Variants in MAP3K3 observed in about 807,000 individuals in gnomAD.
MAP3K3 encodes the protein mitogen-activated protein kinase kinase kinase 3, also known as MAP/ERK kinase kinase 3.
In MAP3K3, 12 loss-of-function variants were observed where a neutral mutation model predicts 80.9. That is an observed-to-expected ratio of 0.15 (90% CI 0.10 to 0.24). The LOEUF is 0.24. Ranked by LOEUF, MAP3K3 falls within the 10% of genes least tolerant of loss-of-function variation. MAP3K3 has a pLI of 1.00. For synonymous variants in MAP3K3, 272 were observed against 307.1 expected (o/e 0.89, Z 1.19); for missense variants, 596 against 834.7 (o/e 0.71, Z 3.52).
At chr17:63,639,994 C>A (rs1390087719) in intron 2 of MAP3K3, among the ~76,000 whole-genome samples, 1 of 152,038 alleles carries the variant, frequency 6.6e-6, no homozygotes, top group Non-Finnish European at 1.5e-5. Flanking sequence ...GAGTCTTATA[C>A]CGGAGGTCTT....
At chr17:63,625,305 AC>A (rs573154038) in intron 1 of MAP3K3, among the ~76,000 whole-genome samples, 4 of 151,972 alleles carry the variant, frequency 2.6e-5, no homozygotes, top group African/African-American at 9.7e-5. Context: ...TTGCTTTGAT[AC>A]TATGTGGCTA....
At chr17:63,653,110 T>G (rs1483159763) in intron 4 of MAP3K3, among the ~76,000 whole-genome samples, 1 of 152,210 alleles carries the variant, frequency 6.6e-6, no homozygotes, top group African/African-American at 2.4e-5. Flanking sequence ...TGATTGGAGC[T>G]TATTTGTTTC....
At chr17:63,655,772 C>T (rs1169907863) in intron 4 of MAP3K3, among the ~76,000 whole-genome samples, 1 of 152,172 alleles carries the variant, frequency 6.6e-6, no homozygotes, top group East Asian at 1.9e-4. Flanking sequence ...AGGTGTGAGC[C>T]ACTATCCCCA....
chr17:63,662,050 C>T (rs2034902936), intron 5 of MAP3K3, among the ~76,000 whole-genome samples: 1 of 151,800 alleles, frequency 6.6e-6, no homozygotes, highest in African/African-American at 2.4e-5. Flanking sequence ...TTGCAGTGAG[C>T]CAGGATTGCG....
intron 6 of MAP3K3, among the ~76,000 whole-genome samples, chr17:63,667,836 A>G (rs375435691): frequency 2.0e-5 from 3 of 152,140 alleles, no homozygotes; most frequent in African/African-American, 7.2e-5. Context: ...CCACAGATGC[A>G]GAACCTGGAG....
At chr17:63,623,132 G>GC (rs979749630) in intron 1 of MAP3K3, among the ~76,000 whole-genome samples, 1 of 152,126 alleles carries the variant, frequency 6.6e-6, no homozygotes, top group African/African-American at 2.4e-5. Context: ...TGGGGCCCGG[G>GC]CTGGAGGCTG....
rs1433961479 is a variant in MAP3K3 at position 63,695,463 on chromosome 17, A to C, written c.*1686A>C. Reference sequence around the variant, plus strand: ...GTTGGGCCTGGACCCTCCTGTGTCCATCCCTGTTCCCCCAGGGGCTCTATC... The same window carrying C: ...GTTGGGCCTGGACCCTCCTGTGTCCCTCCCTGTTCCCCCAGGGGCTCTATC... On this transcript the variant is annotated 3_prime_UTR_variant, in exon 16 of 16. Transcript: ENST00000361733. The surrounding 1 kb of genome is among the most constrained non-coding windows in gnomAD (Gnocchi z 4.1). The C allele has an allele frequency of 1.3e-5, 2 of 152,650 alleles. No individual in the cohort carries two copies. The highest frequency in any genetic ancestry group is 2.9e-5 in the Non-Finnish European group (2 of 68,064). The allele number at this position is 152,650 out of a possible 1,614,324, so 9.5% of individuals were successfully genotyped here. A position where few individuals can be genotyped will look rare whatever the true frequency, so the allele number is the denominator to read the frequency against.
chr17:63,669,489 G>A (rs1411404825), intron 6 of MAP3K3, among the ~76,000 whole-genome samples: 1 of 146,844 alleles, frequency 6.8e-6, no homozygotes, highest in Non-Finnish European at 1.5e-5. Context: ...TTTTTTTCTC[G>A]AGACAGAGTC....
chr17:63,691,188 C>G lies in MAP3K3; in HGVS notation c.1299C>G (p.Asp433Glu), dbSNP rs1390067438. The G allele has an allele frequency of 6.2e-7, 1 of 1,614,182 alleles. No individual in the cohort carries two copies. Among genetic ancestry groups the G allele is most frequent in the Admixed American group, 1.7e-5 (1 of 60,030 alleles). The change falls in exon 13 of 16, where the codon GAC becomes GAG. Residue 433 changes from aspartate to glutamate, a missense_variant. Asp to Glu is a conservative substitution (Grantham distance 45). This residue lies in a region of MAP3K3 where 364 missense variants were observed against 588.9 expected (regional missense o/e 0.62). Coordinates refer to ENST00000361733, the MANE Select transcript of MAP3K3 (RefSeq NM_002401.5). This position sits in a 1 kb window ranked among gnomAD's most constrained non-coding sequence, Gnocchi z 4.8. ...RIVQYYGCLR[D>E]RAEKTLTIFM... ...TGCAGTACTATGGCTGTCTGCGGGA[C>G]CGCGCTGAGAAGACCCTGACCATCT...
intron 2 of MAP3K3, chr17:63,636,607 A>G (rs1047518648): frequency 5.3e-5 from 10 of 187,872 alleles, no homozygotes; most frequent in African/African-American, 2.4e-4. Context: ...GTGGCTGAAC[A>G]TGCTGGAGAA....
intron 2 of MAP3K3, among the ~76,000 whole-genome samples, chr17:63,639,621 T>C (rs1000850213): frequency 3.3e-5 from 5 of 152,222 alleles, no homozygotes; most frequent in African/African-American, 9.6e-5. Flanking sequence ...ATCCTCACTC[T>C]GATTCTGTAC....
intron 5 of MAP3K3, among the ~76,000 whole-genome samples, chr17:63,662,970 C>T (rs1043632335): frequency 2.0e-5 from 3 of 151,658 alleles, no homozygotes; most frequent in South Asian, 2.1e-4. Context: ...CCACCACGCC[C>T]GGCCCCAGAA....
At chr17:63,663,835 T>C (rs1277486325) in intron 5 of MAP3K3, among the ~76,000 whole-genome samples, 2 of 151,934 alleles carry the variant, frequency 1.3e-5, no homozygotes, top group African/African-American at 4.8e-5. Flanking sequence ...CAGGCTGCGA[T>C]GAGCTATGAT....
intron 1 of MAP3K3, among the ~76,000 whole-genome samples, chr17:63,624,116 G>C (rs750779438): frequency 6.6e-6 from 1 of 152,146 alleles, no homozygotes; most frequent in Non-Finnish European, 1.5e-5. Flanking sequence ...AAGGTCTGCT[G>C]TGAGAGTGGA....
chr17:63,647,420 T>C (rs1030726297), intron 3 of MAP3K3, among the ~76,000 whole-genome samples: 1 of 152,172 alleles, frequency 6.6e-6, no homozygotes, highest in Non-Finnish European at 1.5e-5. Flanking sequence ...AAAAGCACAA[T>C]TGTGTTGGAG....
chr17:63,630,553 C>T (rs2034195189), intron 1 of MAP3K3, among the ~76,000 whole-genome samples: 1 of 152,160 alleles, frequency 6.6e-6, no homozygotes, highest in Non-Finnish European at 1.5e-5. Context: ...TCTCGAACTC[C>T]TGGGCTCAAG....
intron 2 of MAP3K3, among the ~76,000 whole-genome samples, chr17:63,634,396 G>T (rs1235616711): frequency 1.3e-5 from 2 of 152,196 alleles, no homozygotes; most frequent in African/African-American, 4.8e-5. Flanking sequence ...AGGCCCAAAA[G>T]GACGAGGCTG....
At position 63,622,673 on chromosome 17, in the gene MAP3K3, G is replaced by C. The variant is rs1444840256; in HGVS notation, c.-87G>C. 1 of 386,614 alleles carries C rather than the reference G, an allele frequency of 2.6e-6. No homozygotes were observed. The highest frequency in any genetic ancestry group is 5.1e-6 in the Non-Finnish European group (1 of 194,290). The allele number at this position is 386,614 out of a possible 1,614,324, so 23.9% of individuals were successfully genotyped here. On this transcript the variant is annotated 5_prime_UTR_variant, in exon 1 of 16. Coordinates refer to ENST00000361733, the MANE Select transcript of MAP3K3 (RefSeq NM_002401.5). Reference sequence around the variant, plus strand: ...CCCGCGCGGAGCCAGGCCCGCTGCCGTCCCCGCCGCCCGGGCCCCCGGCAT... The same window carrying C: ...CCCGCGCGGAGCCAGGCCCGCTGCCCTCCCCGCCGCCCGGGCCCCCGGCAT...
At chr17:63,677,969 T>C (rs2035253704) in intron 6 of MAP3K3, among the ~76,000 whole-genome samples, 1 of 152,216 alleles carries the variant, frequency 6.6e-6, no homozygotes, top group Non-Finnish European at 1.5e-5. Context: ...TAGGGATTAC[T>C]CATGGGGGAC....
Sources: gnomAD v4.1 joint callset for allele counts (sites outside exome capture counted in the v4.1 genomes callset) on GRCh38, gnomAD v4.1.1 for gene constraint, gnomAD v4.1.1 regional missense constraint, Gnocchi (gnomAD v3.1) non-coding constraint, MANE v1.5 for transcripts, NCBI Gene and HGNC (gene_info 2026-07-23, HGNC 2026-07-21) for gene names.